UTRN: variants seen among roughly 807,000 people sequenced by gnomAD.
UTRN encodes dystrophin-related protein 1.
A neutral mutation model predicts 463.9 loss-of-function variants in UTRN; 283 were observed. The observed-to-expected ratio is 0.61, with a 90% CI of 0.55 to 0.67. The LOEUF (loss-of-function observed/expected upper bound fraction) is 0.67. Among genes scored for constraint, UTRN ranks in the 30% least tolerant of loss-of-function variants. The probability of loss-of-function intolerance (pLI) is 0.00; values close to 1 mark genes in which losing one functional copy is unlikely to be tolerated. For missense variants in UTRN, 3,922 were observed against 4,084.3 expected (o/e 0.96, Z 1.08); for synonymous variants, 1,442 against 1,431.5 (o/e 1.01, Z -0.17).
intron 73 of UTRN, among the ~76,000 whole-genome samples, chr6:144,845,317 A>G (rs1240652921): frequency 1.3e-5 from 2 of 152,120 alleles, no homozygotes; most frequent in African/African-American, 2.4e-5. Flanking sequence ...TTTTTTACTT[A>G]TGTCCTTCAA....
At chr6:144,624,057 G>C (rs529263172) in intron 51 of UTRN, among the ~76,000 whole-genome samples, 3 of 152,130 alleles carry the variant, frequency 2.0e-5, no homozygotes, top group Non-Finnish European at 4.4e-5. Flanking sequence ...GTTCCTAAAG[G>C]TAGAAATGGT....
chr6:144,827,750 A>G, intron 68 of UTRN, 74 bp downstream of exon 68: 1 of 1,477,226 alleles, frequency 6.8e-7, no homozygotes, highest in Non-Finnish European at 9.3e-7. Flanking sequence ...ATCTAATATC[A>G]TTAATATACC....
At chr6:144,605,022 G>A (rs182899317) in intron 51 of UTRN, among the ~76,000 whole-genome samples, 1 of 152,156 alleles carries the variant, frequency 6.6e-6, no homozygotes, top group Admixed American at 6.5e-5. Context: ...CACTTCTCAC[G>A]ATATATCGTT....
At chr6:144,710,240 T>C (rs1785535035) in intron 53 of UTRN, among the ~76,000 whole-genome samples, 2 of 152,122 alleles carry the variant, frequency 1.3e-5, no homozygotes, top group Admixed American at 1.3e-4. Flanking sequence ...AGATCAAATA[T>C]AAAAAACAGA....
At chr6:144,444,408 CA>C in intron 14 of UTRN, 26 bp downstream of exon 14, 2 of 1,558,072 alleles carry the variant, frequency 1.3e-6, no homozygotes, top group East Asian at 2.3e-5. Flanking sequence ...CCATAAGGGG[CA>C]AAATAAATGG....
chr6:144,491,577 C>T (rs1793081899), intron 32 of UTRN, among the ~76,000 whole-genome samples: 1 of 151,998 alleles, frequency 6.6e-6, no homozygotes, highest in African/African-American at 2.4e-5. Context: ...CTTTTTTAGT[C>T]TTGAACTTTA....
chr6:144,772,035 T>TG, intron 59 of UTRN, 67 bp downstream of exon 59: 2 of 1,089,312 alleles, frequency 1.8e-6, no homozygotes, highest in Non-Finnish European at 2.5e-6. Context: ...TTTTTTTTTT[T>TG]TTTTTTTTTT....
chr6:144,416,987 A>G (rs1162426202), intron 3 of UTRN, among the ~76,000 whole-genome samples: 4 of 152,196 alleles, frequency 2.6e-5, no homozygotes, highest in African/African-American at 9.6e-5. Context: ...TAAGAGGTTA[A>G]CTGTCAGGAT....
chr6:144,515,603 A>G (rs1795547165), intron 37 of UTRN, among the ~76,000 whole-genome samples: 1 of 152,242 alleles, frequency 6.6e-6, no homozygotes, highest in Non-Finnish European at 1.5e-5. Flanking sequence ...CATTTAATTA[A>G]CAGGGTAATA....
intron 2 of UTRN, among the ~76,000 whole-genome samples, chr6:144,321,800 C>G (rs1189000701): frequency 1.4e-5 from 2 of 145,978 alleles, no homozygotes; most frequent in Non-Finnish European, 3.0e-5. Context: ...GAGTTTTGCT[C>G]TATTTCCCAG....
chr6:144,834,651 A>AATC (rs1780954274), intron 69 of UTRN, among the ~76,000 whole-genome samples: 1 of 152,214 alleles, frequency 6.6e-6, no homozygotes, highest in Non-Finnish European at 1.5e-5. Context: ...GGGCACAGGT[A>AATC]ATCTCAAGGC....
intron 34 of UTRN, among the ~76,000 whole-genome samples, chr6:144,502,022 G>T (rs1585036404): frequency 6.6e-6 from 1 of 151,492 alleles, no homozygotes; most frequent in Non-Finnish European, 1.5e-5. Flanking sequence ...TATCTGTTCT[G>T]ATTATCAATG....
At chr6:144,732,097 G>A (rs2128714623) in intron 54 of UTRN, among the ~76,000 whole-genome samples, 1 of 151,572 alleles carries the variant, frequency 6.6e-6, no homozygotes, top group East Asian at 1.9e-4. Context: ...CTTGGCGTCA[G>A]GTGATCTGCC....
intron 2 of UTRN, among the ~76,000 whole-genome samples, chr6:144,294,253 A>G (rs1430063046): frequency 2.6e-5 from 4 of 152,174 alleles, no homozygotes; most frequent in East Asian, 3.8e-4. Flanking sequence ...GATATGAATC[A>G]CATTCTTTTG....
chr6:144,344,173 C>T, intron 2 of UTRN: 1 of 1,301,566 alleles, frequency 7.7e-7, no homozygotes, highest in Non-Finnish European at 1.0e-6. Flanking sequence ...TCCACTTCCT[C>T]CACATCTTTT....
chr6:144,552,100 A>T (rs1470084423), intron 48 of UTRN, among the ~76,000 whole-genome samples: 1 of 152,240 alleles, frequency 6.6e-6, no homozygotes, highest in African/African-American at 2.4e-5. Flanking sequence ...CAGTGCCAAT[A>T]CAAATTAACT....
intron 51 of UTRN, among the ~76,000 whole-genome samples, chr6:144,579,707 A>T (rs1429551796): frequency 6.6e-6 from 1 of 152,250 alleles, no homozygotes; most frequent in African/African-American, 2.4e-5. Context: ...TGATAAAAAT[A>T]TTAAAATACA....
At chr6:144,503,486 A>G (rs527990911) in intron 34 of UTRN, among the ~76,000 whole-genome samples, 319 of 152,140 alleles carry the variant, frequency 2.1e-3, no homozygotes, top group African/African-American at 7.4e-3. Flanking sequence ...TGTTTTCCCA[A>G]CACCATTTAT....
At chr6:144,704,430 G>A (rs1784875697) in intron 53 of UTRN, among the ~76,000 whole-genome samples, 3 of 152,178 alleles carry the variant, frequency 2.0e-5, no homozygotes. Flanking sequence ...TTGATTCACA[G>A]AATTTATACA....
Sources: gnomAD v4.1 joint callset for allele counts (sites outside exome capture counted in the v4.1 genomes callset) on GRCh38, gnomAD v4.1.1 for gene constraint, MANE v1.5 for transcripts, NCBI Gene and HGNC (gene_info 2026-07-23, HGNC 2026-07-21) for gene names.